Variants in GLO1 observed in about 807,000 individuals in gnomAD.
The protein encoded by GLO1 is lactoylglutathione lyase.
A neutral mutation model predicts 26.0 loss-of-function variants in GLO1; 28 were observed. The ratio of observed to expected loss-of-function variants is 1.08; its 90% CI spans 0.80 to 1.48. The LOEUF is 1.48. Ranked by LOEUF, GLO1 falls within the 40% of genes most tolerant of loss-of-function variation. The pLI, the probability that GLO1 is intolerant of heterozygous loss-of-function variation, is 0.00. For missense variants in GLO1, 225 were observed against 224.8 expected, an observed-to-expected ratio of 1.00 and a Z score of -0.01; for synonymous variants, 78 against 77.6, an observed-to-expected ratio of 1.00 and a Z score of -0.03.
chr6:38,681,256 G>A (rs1032848183), intron 5 of GLO1, among the ~76,000 whole-genome samples: 3 of 152,122 alleles, frequency 2.0e-5, no homozygotes, highest in African/African-American at 7.2e-5. Context: ...TAGAGACAGG[G>A]TTTCACCATG....
At position 38,677,638 on chromosome 6, in the gene GLO1, A is replaced by T. The variant is rs181674167; in HGVS notation, c.467-255T>A. 1.5e-4 allele frequency among the ~76,000 whole-genome samples: 23 copies of T among 151,820 alleles called. 1 individual carries two copies. Among genetic ancestry groups the T allele is most frequent in the African/African-American group, 5.3e-4 (22 of 41,400 alleles). On this transcript the variant is annotated intron_variant, in intron 5 of 5. Transcript: ENST00000373365. ...AATGTACTGCCCAGGCTGCTATCAA[A>T]CTCCTGGCCTCAAGCAATCCTCCTG...
intron 5 of GLO1, among the ~76,000 whole-genome samples, chr6:38,681,631 A>G (rs74423628): frequency 0.029 from 4,464 of 152,314 alleles, 83 homozygotes; most frequent in East Asian, 0.072. Context: ...AACTAAAGAG[A>G]GCTGGTGTCA....
At chr6:38,686,451 T>G (rs551078212) in intron 2 of GLO1, among the ~76,000 whole-genome samples, 29 of 152,252 alleles carry the variant, frequency 1.9e-4, no homozygotes, top group Admixed American at 1.9e-3. Context: ...GATTGCAAGA[T>G]CAGTGGATAT....
intron 1 of GLO1, among the ~76,000 whole-genome samples, chr6:38,695,137 T>TGTTC (rs1761590322): frequency 1.3e-5 from 2 of 152,172 alleles, no homozygotes; most frequent in Non-Finnish European, 2.9e-5. Context: ...CATGTTTGTT[T>TGTTC]TCTGTTTGTT....
chr6:38,698,339 T>C (rs988569882), intron 1 of GLO1, among the ~76,000 whole-genome samples: 1 of 151,570 alleles, frequency 6.6e-6, no homozygotes, highest in Non-Finnish European at 1.5e-5. Flanking sequence ...GCCATTGTCC[T>C]TCTTCCTTCC....
Position 38,703,028 on chromosome 6 carries a change from G to A in GLO1, c.27C>T (p.Gly9=). 1 of 1,572,324 alleles carries A rather than the reference G, an allele frequency of 6.4e-7. No homozygotes were observed. ...TGAGGGCGGCCTCGTCCGTGAGGCC[G>A]CCGGACGGGGGCTGCGGTTCTGCCA... MAEPQPPS[G]GLTDEAALSC... is the part of the protein sequence containing the mutation. The change falls in exon 1 of 6, where the codon GGC becomes GGT. Residue 9 remains glycine, a synonymous_variant. Coordinates refer to ENST00000373365, the MANE Select transcript of GLO1 (RefSeq NM_006708.3).
intron 5 of GLO1, 131 bp downstream of exon 5, chr6:38,681,881 T>G: frequency 4.8e-6 from 3 of 623,374 alleles, no homozygotes; most frequent in Non-Finnish European, 5.8e-6. Context: ...TTTCTCTTTT[T>G]TAAAACTCTG....
At chr6:38,698,311 T>C (rs1761639847) in intron 1 of GLO1, among the ~76,000 whole-genome samples, 1 of 151,898 alleles carries the variant, frequency 6.6e-6, no homozygotes, top group East Asian at 1.9e-4. Context: ...ATGCCTTGAA[T>C]AGTCAGCCAT....
chr6:38,681,703 C>T (rs982607393), intron 5 of GLO1, among the ~76,000 whole-genome samples: 1 of 152,136 alleles, frequency 6.6e-6, no homozygotes, highest in African/African-American at 2.4e-5. Flanking sequence ...AAGATATACA[C>T]TGAAATAGTG....
At chr6:38,701,863 T>C (rs895422781) in intron 1 of GLO1, among the ~76,000 whole-genome samples, 2 of 151,380 alleles carry the variant, frequency 1.3e-5, no homozygotes, top group Non-Finnish European at 2.9e-5. Context: ...GTCAAATAAA[T>C]AAATACAAAG....
chr6:38,695,562 G>A (rs527885015), intron 1 of GLO1, among the ~76,000 whole-genome samples: 2 of 152,172 alleles, frequency 1.3e-5, no homozygotes, highest in African/African-American at 2.4e-5. Context: ...TGTCTCCATT[G>A]ATATGGCAAG....
At chr6:38,678,891 C>T (rs1761318249) in intron 5 of GLO1, among the ~76,000 whole-genome samples, 1 of 152,114 alleles carries the variant, frequency 6.6e-6, no homozygotes, top group Non-Finnish European at 1.5e-5. Flanking sequence ...GAATCTCTGG[C>T]CTAGGCTTAT....
intron 5 of GLO1, among the ~76,000 whole-genome samples, chr6:38,681,114 A>G (rs1294330350): frequency 6.6e-6 from 1 of 152,106 alleles, no homozygotes; most frequent in Non-Finnish European, 1.5e-5. Context: ...CCCAGGCTGG[A>G]GTGCAGTGGT....
At chr6:38,691,538 AACTTGTG>A (rs1195020644) in intron 1 of GLO1, among the ~76,000 whole-genome samples, 5 of 152,220 alleles carry the variant, frequency 3.3e-5, no homozygotes, top group Admixed American at 1.3e-4. Context: ...CAAACTCCTG[AACTTGTG>A]GTCCACCCGC....
chr6:38,681,837 A>G (rs1411648381), intron 5 of GLO1, among the ~76,000 whole-genome samples, 175 bp downstream of exon 5: 1 of 152,198 alleles, frequency 6.6e-6, no homozygotes, highest in Non-Finnish European at 1.5e-5. Flanking sequence ...GCTGTCTTTC[A>G]GTTCCCTAAA....
intron 1 of GLO1, among the ~76,000 whole-genome samples, chr6:38,701,983 T>G (rs1781737): frequency 0.21 from 31,753 of 149,086 alleles, 5,465 homozygotes; most frequent in African/African-American, 0.47. Flanking sequence ...CAGGCTGGAG[T>G]GCAGTGGCAC....
intron 1 of GLO1, among the ~76,000 whole-genome samples, chr6:38,691,100 T>A (rs760452947): frequency 2.6e-5 from 4 of 152,206 alleles, no homozygotes; most frequent in Non-Finnish European, 2.9e-5. Flanking sequence ...CTTAATTTTG[T>A]CTTTCCCTTA....
rs1207079009 is a variant in GLO1 at position 38,681,904 on chromosome 6, A to G, written c.466+108T>C. On this transcript the variant is annotated intron_variant, in intron 5 of 5. Transcript: ENST00000373365. ...TTTTAAAACTCTGGTTGAAGTGGAG[A>G]CTTCTGTTACTTGTAGCCAAAAGGG... is the stretch of plus-strand genomic sequence containing the variant. 4.5e-6 allele frequency: 3 copies of G among 672,960 alleles called. No individual in the cohort carries two copies. In the African/African-American group the frequency reaches 5.5e-5, roughly 12 times the overall value. The allele number at this position is 672,960 out of a possible 1,614,324, so 41.7% of individuals were successfully genotyped here.
intron 1 of GLO1, 26 bp downstream of exon 1, chr6:38,702,945 G>A (rs1019925576): frequency 5.3e-6 from 7 of 1,328,760 alleles, no homozygotes; most frequent in Non-Finnish European, 7.6e-6. Context: ...AGCTGGGGGA[G>A]CCGTTCCCTT....
Sources: allele counts gnomAD v4.1 joint callset (sites outside exome capture counted in the v4.1 genomes callset), GRCh38; gene constraint gnomAD v4.1.1; transcripts MANE v1.5; gene names NCBI Gene and HGNC (gene_info 2026-07-23, HGNC 2026-07-21).